The following FCRL5 variants were observed in gnomAD, a reference collection of about 807,000 sequenced individuals.
FCRL5 encodes the protein Fc receptor-like protein 5.
FCRL5 carries 79 observed loss-of-function variants against 92.1 expected under a neutral mutation model. The observed-to-expected ratio is 0.86, with a 90% CI of 0.72 to 1.03. FCRL5 has a LOEUF of 1.03. FCRL5 is among the 50% of genes least tolerant of loss of function. FCRL5 has a pLI of 0.00. For missense variants in FCRL5, 1,160 were observed against 1,181.1 expected, an observed-to-expected ratio of 0.98 and a Z score of 0.26; for synonymous variants, 466 against 469.3, an observed-to-expected ratio of 0.99 and a Z score of 0.09.
Position 157,534,469 on chromosome 1 carries a change from C to T in FCRL5, c.1681+145G>A, listed in dbSNP as rs747165440. ...AGCCAGGACTTATGAGTACGGAAAACCCCAGCTAGTTAGTTGAGGAGGAAG... is the reference window on the plus strand; with the variant it reads ...AGCCAGGACTTATGAGTACGGAAAATCCCAGCTAGTTAGTTGAGGAGGAAG... On this transcript the variant is annotated intron_variant, in intron 8 of 16. Coordinates refer to ENST00000361835, the MANE Select transcript of FCRL5 (RefSeq NM_031281.3). 48 of 945,144 alleles carry T rather than the reference C, an allele frequency of 5.1e-5. No individual in the cohort carries two copies. In the African/African-American group the frequency reaches 7.7e-4, roughly 15 times the overall value. The allele number at this position is 945,144 out of a possible 1,614,324, so 58.5% of individuals were successfully genotyped here.
Position 157,539,377 on chromosome 1 carries a change from A to C in FCRL5, c.1124-13T>G, listed in dbSNP as rs367867540. On this transcript the variant is annotated splice_polypyrimidine_tract_variant and intron_variant, in intron 6 of 16. Coordinates refer to ENST00000361835, the MANE Select transcript of FCRL5 (RefSeq NM_031281.3). ...TGAGACACGGGAACTGAGAGAGAGA[A>C]AAAATTAGTCAAGATTTGTTTCTGC... is the stretch of plus-strand genomic sequence containing the variant. The C allele has an allele frequency of 3.7e-4, 591 of 1,577,976 alleles. 1 individual carries two copies. Among genetic ancestry groups the C allele is most frequent in the Non-Finnish European group, 4.1e-4 (475 of 1,161,622 alleles).
At chr1:157,520,405 G>A in intron 12 of FCRL5, 26 bp downstream of exon 12, 1 of 1,516,506 alleles carries the variant, frequency 6.6e-7, no homozygotes, top group Non-Finnish European at 9.0e-7. Context: ...ATGAACTCAA[G>A]CCAAGGTGTG....
At chr1:157,530,892 A>C (rs1283529414) in intron 8 of FCRL5, among the ~76,000 whole-genome samples, 2 of 152,264 alleles carry the variant, frequency 1.3e-5, no homozygotes, top group African/African-American at 4.8e-5. Flanking sequence ...TTTAAGTAAT[A>C]ACATATAATG....
intron 7 of FCRL5, 57 bp from the exon 8 acceptor site, chr1:157,534,949 A>G: frequency 6.7e-7 from 1 of 1,489,476 alleles, no homozygotes; most frequent in Non-Finnish European, 9.0e-7. Flanking sequence ...GTAGATTTCA[A>G]CACTTGGCCA....
Position 157,552,342 on chromosome 1 carries a change from T to G in FCRL5, c.21A>C (p.Leu7Phe). 1 of 1,614,054 alleles carries G rather than the reference T, an allele frequency of 6.2e-7. No individual in the cohort carries two copies. The highest frequency in any genetic ancestry group is 8.5e-7 in the Non-Finnish European group (1 of 1,179,974). The change falls in exon 1 of 17, where the codon TTA becomes TTC. Residue 7 changes from leucine to phenylalanine, a missense_variant. Leu to Phe is a conservative substitution (Grantham distance 22, BLOSUM62 0). Transcript: ENST00000361835. The part of the protein sequence containing the change: MLLWVI[L>F]LVLAPVSGQF... The stretch of plus-strand genomic sequence containing the variant: ...AGCCCTTTTACTCACCCAGGACCAG[T>G]AATATCACCCACAGCAGCATGAAGA...
At chr1:157,538,356 T>C (rs1023605665) in intron 7 of FCRL5, among the ~76,000 whole-genome samples, 6 of 152,204 alleles carry the variant, frequency 3.9e-5, no homozygotes, top group African/African-American at 1.4e-4. Context: ...GTCTCCAGTA[T>C]AGGCCCAAAT....
At chr1:157,549,717 C>G (rs1651726966) in intron 1 of FCRL5, 137 bp from the exon 2 acceptor site, 3 of 610,692 alleles carry the variant, frequency 4.9e-6, no homozygotes, top group Non-Finnish European at 2.8e-6. Context: ...AATTATTCAT[C>G]AAATGTATAT....
intron 9 of FCRL5, among the ~76,000 whole-genome samples, chr1:157,526,830 C>T (rs1650448971): frequency 6.6e-6 from 1 of 151,726 alleles, no homozygotes; most frequent in African/African-American, 2.4e-5. Context: ...AAGCAGAAGG[C>T]CAGGGGGTGG....
At chr1:157,519,873 C>T in intron 12 of FCRL5, 103 bp from the exon 13 acceptor site, 2 of 1,214,280 alleles carry the variant, frequency 1.6e-6, no homozygotes, top group Non-Finnish European at 2.4e-6. Flanking sequence ...GTTGCTGTCA[C>T]TGAAGGTTGA....
chr1:157,546,782 G>C (rs1012526326), intron 3 of FCRL5, among the ~76,000 whole-genome samples, 161 bp downstream of exon 3: 14 of 152,148 alleles, frequency 9.2e-5, no homozygotes, highest in African/African-American at 1.9e-4. Flanking sequence ...CCCATTCCCT[G>C]TCTGGTTGTA....
At chr1:157,551,686 T>C (rs1226439170) in intron 1 of FCRL5, among the ~76,000 whole-genome samples, 1 of 152,214 alleles carries the variant, frequency 6.6e-6, no homozygotes, top group African/African-American at 2.4e-5. Flanking sequence ...AATAAACATA[T>C]TTAATTATAA....
chr1:157,549,140 A>G (rs1218011381), intron 2 of FCRL5, among the ~76,000 whole-genome samples: 16 of 152,044 alleles, frequency 1.1e-4, no homozygotes, highest in Admixed American at 6.5e-5. Context: ...TTGTAGGGAC[A>G]TGGATGAAGC....
Position 157,518,605 on chromosome 1 carries a change from C to T in FCRL5, c.2743+95G>A. ...TCTTTTCTGGAAGGACTAGAGCCCTCTAGGCCTCGGCATAGTCCCTCCCCA... is the reference window on the plus strand; with the variant it reads ...TCTTTTCTGGAAGGACTAGAGCCCTTTAGGCCTCGGCATAGTCCCTCCCCA... On this transcript the variant is annotated intron_variant, in intron 14 of 16. Coordinates refer to ENST00000361835, the MANE Select transcript of FCRL5 (RefSeq NM_031281.3). The T allele has an allele frequency of 2.1e-6, 3 of 1,461,032 alleles. No individual in the cohort carries two copies. The South Asian group carries it at 3.5e-5, about 17-fold the overall frequency. 90.5% of individuals were successfully genotyped at this position (1,461,032 alleles called of 1,614,324 possible).
chr1:157,547,231 A>T (rs778423453), intron 2 of FCRL5, 34 bp from the exon 3 acceptor site: 1 of 1,609,606 alleles, frequency 6.2e-7, no homozygotes, highest in South Asian at 1.1e-5. Flanking sequence ...TCTGAGGTGG[A>T]GGCGCCTGCA....
chr1:157,524,701 T>A, intron 9 of FCRL5, 144 bp from the exon 10 acceptor site: 1 of 918,812 alleles, frequency 1.1e-6, no homozygotes. Flanking sequence ...TTTTCAGATC[T>A]CCAGAAAGAA....
At chr1:157,516,610 C>T (rs1409823228) in intron 15 of FCRL5, among the ~76,000 whole-genome samples, 1 of 152,172 alleles carries the variant, frequency 6.6e-6, no homozygotes, top group African/African-American at 2.4e-5. Context: ...TTATTTATCG[C>T]ACTTATAGAA....
At position 157,527,912 on chromosome 1, in the gene FCRL5, G is replaced by A. The variant is rs1558131284; in HGVS notation, c.1682-17C>T. On this transcript the variant is annotated splice_polypyrimidine_tract_variant and intron_variant, in intron 8 of 16. Transcript: ENST00000361835. Reference sequence around the variant, plus strand: ...ACACTGGAACTGAGAGAGAAAATGAGTTAGGGACACATGTATTTTTAAAAT... The same window carrying A: ...ACACTGGAACTGAGAGAGAAAATGAATTAGGGACACATGTATTTTTAAAAT... The A allele has an allele frequency of 6.5e-7, 1 of 1,537,402 alleles. No individual in the cohort carries two copies. The highest frequency in any genetic ancestry group is 1.3e-5 in the South Asian group (1 of 77,086).
intron 2 of FCRL5, among the ~76,000 whole-genome samples, chr1:157,548,122 T>C (rs1651642852): frequency 6.6e-6 from 1 of 152,212 alleles, no homozygotes. Flanking sequence ...CCTGGCTAAA[T>C]GGGGTCTGTT....
intron 8 of FCRL5, chr1:157,533,054 A>C (rs182693011): frequency 6.6e-6 from 1 of 152,256 alleles, no homozygotes; most frequent in African/African-American, 2.4e-5. Context: ...GTGCACTGCA[A>C]AGTCTAAGAC....
Sources: gnomAD v4.1 joint callset for allele counts (sites outside exome capture counted in the v4.1 genomes callset) on GRCh38, gnomAD v4.1.1 for gene constraint, MANE v1.5 for transcripts, NCBI Gene and HGNC (gene_info 2026-07-23, HGNC 2026-07-21) for gene names.